The following CCDC171 variants were observed in gnomAD, a reference collection of about 807,000 sequenced individuals.
CCDC171 encodes coiled-coil domain containing 171.
A neutral mutation model predicts 168.2 loss-of-function variants in CCDC171; 177 were observed. That is an observed-to-expected ratio of 1.05 (90% CI 0.93 to 1.19). The LOEUF (loss-of-function observed/expected upper bound fraction) is 1.19, where lower values mean the gene tolerates loss of function less well. Ranked by LOEUF, CCDC171 falls within the 50% of genes most tolerant of loss-of-function variation. The probability of loss-of-function intolerance (pLI) is 0.00; values close to 1 mark genes in which losing one functional copy is unlikely to be tolerated. For missense variants in CCDC171, 1,991 were observed against 1,539.0 expected (o/e 1.29, Z -4.91); for synonymous variants, 687 against 540.8 (o/e 1.27, Z -3.75).
chr9:15,775,721 A>G (rs1337154461), intron 18 of CCDC171, among the ~76,000 whole-genome samples: 1 of 152,212 alleles, frequency 6.6e-6, no homozygotes, highest in Non-Finnish European at 1.5e-5. Context: ...GAACTTTTGT[A>G]TTGTTTATTT....
At chr9:15,668,284 T>C (rs2048872672) in intron 9 of CCDC171, among the ~76,000 whole-genome samples, 1 of 152,206 alleles carries the variant, frequency 6.6e-6, no homozygotes, top group Admixed American at 6.5e-5. Flanking sequence ...AATTTTAACC[T>C]ACTTGCTAAC....
chr9:15,910,756 C>G (rs894905119), intron 24 of CCDC171, among the ~76,000 whole-genome samples: 1 of 151,152 alleles, frequency 6.6e-6, no homozygotes, highest in Non-Finnish European at 1.5e-5. Flanking sequence ...CCCATATGTT[C>G]TCATTATTCA....
chr9:15,958,987 C>T (rs1411254558), intron 25 of CCDC171, among the ~76,000 whole-genome samples: 1 of 152,164 alleles, frequency 6.6e-6, no homozygotes, highest in African/African-American at 2.4e-5. Flanking sequence ...TGCCCTGTCT[C>T]TCTCCACTGC....
At chr9:15,997,778 A>G (rs987336270) in intron 3 of CCDC171, among the ~76,000 whole-genome samples, 1 of 152,108 alleles carries the variant, frequency 6.6e-6, no homozygotes, top group Non-Finnish European at 1.5e-5. Flanking sequence ...TACCCTTCTC[A>G]GGCCCTTGTT....
chr9:15,909,436 C>T (rs1373550620), intron 24 of CCDC171, among the ~76,000 whole-genome samples: 1 of 151,736 alleles, frequency 6.6e-6, no homozygotes, highest in Admixed American at 6.6e-5. Flanking sequence ...GCACATAATT[C>T]CACTGGCAAA....
intron 9 of CCDC171, among the ~76,000 whole-genome samples, chr9:15,678,392 A>AT (rs978718812): frequency 5.3e-5 from 8 of 152,122 alleles, no homozygotes; most frequent in African/African-American, 1.7e-4. Context: ...TTGTATTTTA[A>AT]TTTTAAAGTT....
At chr9:16,031,588 C>G (rs530963426) in intron 6 of CCDC171, among the ~76,000 whole-genome samples, 7 of 152,306 alleles carry the variant, frequency 4.6e-5, no homozygotes, top group South Asian at 2.1e-4. Flanking sequence ...TCAATTGGAT[C>G]TGTATAGGGC....
chr9:15,590,272 ATGAT>A (rs2041882296), intron 4 of CCDC171, among the ~76,000 whole-genome samples: 1 of 152,214 alleles, frequency 6.6e-6, no homozygotes, highest in South Asian at 2.1e-4. Context: ...TTTTGAATGT[ATGAT>A]TGATTCAAAA....
At chr9:15,920,239 A>G (rs752250409) in intron 24 of CCDC171, 31 bp from the exon 25 acceptor site, 3 of 1,415,828 alleles carry the variant, frequency 2.1e-6, no homozygotes, top group African/African-American at 2.9e-5. Flanking sequence ...ATTTATTTGA[A>G]TTATATGTGA....
intron 23 of CCDC171, among the ~76,000 whole-genome samples, chr9:15,865,824 G>A (rs539599037): frequency 1.4e-4 from 20 of 147,720 alleles, no homozygotes; most frequent in African/African-American, 4.5e-4. Context: ...TAACCCACAT[G>A]TTGTTCAAAG....
intron 8 of CCDC171, among the ~76,000 whole-genome samples, chr9:15,658,253 GAA>G (rs1459564112): frequency 6.6e-6 from 1 of 152,194 alleles, no homozygotes; most frequent in East Asian, 1.9e-4. Context: ...TTCGTGCTAA[GAA>G]ACTTAGACTT....
chr9:15,936,943 A>G (rs1324547338), intron 25 of CCDC171, among the ~76,000 whole-genome samples: 1 of 152,064 alleles, frequency 6.6e-6, no homozygotes, highest in Admixed American at 6.6e-5. Flanking sequence ...TTTTATGCAA[A>G]ATATTGCTCA....
intron 25 of CCDC171, among the ~76,000 whole-genome samples, chr9:15,952,527 A>C (rs568954691): frequency 6.6e-6 from 1 of 152,124 alleles, no homozygotes; most frequent in South Asian, 2.1e-4. Flanking sequence ...CCTCCCAAGT[A>C]GGTGGGACTA....
intron 8 of CCDC171, among the ~76,000 whole-genome samples, chr9:15,664,206 C>T (rs570119744): frequency 6.6e-6 from 1 of 152,184 alleles, no homozygotes; most frequent in South Asian, 2.1e-4. Context: ...CCAGACTTCA[C>T]CACTATGCAA....
exon 2 of CCDC171, chr9:16,060,752 C>T (rs1241163377): frequency 1.3e-5 from 2 of 152,216 alleles, no homozygotes; most frequent in Non-Finnish European, 2.9e-5. Flanking sequence ...TAGAAAAAAA[C>T]ATTTCTAGTT....
intron 23 of CCDC171, among the ~76,000 whole-genome samples, chr9:15,856,328 C>T (rs955778727): frequency 6.6e-6 from 1 of 151,858 alleles, no homozygotes; most frequent in African/African-American, 2.4e-5. Context: ...ATTAACAACT[C>T]CCCACTTCTC....
intron 18 of CCDC171, among the ~76,000 whole-genome samples, chr9:15,768,632 C>T (rs1003664176): frequency 1.3e-5 from 2 of 152,114 alleles, no homozygotes; most frequent in African/African-American, 4.8e-5. Context: ...TAAATTTAAA[C>T]CTCATGTAAT....
At chr9:16,011,625 TA>T (rs1832871723) in intron 3 of CCDC171, among the ~76,000 whole-genome samples, 1 of 152,142 alleles carries the variant, frequency 6.6e-6, no homozygotes, top group South Asian at 2.1e-4. Context: ...TTTTCTGTGT[TA>T]AAAATAGTGG....
chr9:15,590,826 TTTCTTTC>T lies in CCDC171; in HGVS notation c.353-534_353-528del, dbSNP rs1283227672. ...CTTTCTTTCTTTCTTTCTTTCTTTC[TTTCTTTC>T]TTCTTCTTTCTTTCTTTCTTTTTTC... On this transcript the variant is annotated intron_variant, in intron 4 of 25. Coordinates refer to ENST00000380701, the MANE Select transcript of CCDC171 (RefSeq NM_173550.4). Among the ~76,000 whole-genome samples the T allele has an allele frequency of 6.0e-4, 89 of 148,728 alleles. 1 individual carries two copies. The highest frequency in any genetic ancestry group is 2.1e-3 in the African/African-American group (85 of 40,160).
Sources: allele counts gnomAD v4.1 joint callset (sites outside exome capture counted in the v4.1 genomes callset), GRCh38; gene constraint gnomAD v4.1.1; transcripts MANE v1.5; gene names NCBI Gene and HGNC (gene_info 2026-07-23, HGNC 2026-07-21).